Variants in UBE2N observed in about 807,000 individuals in gnomAD.
The protein encoded by UBE2N is ubiquitin conjugating enzyme E2 N, also known as ubiquitin-conjugating enzyme E2 N.
For synonymous variants in UBE2N, 70 were observed against 69.2 expected, an observed-to-expected ratio of 1.01 and a Z score of -0.06; for missense variants, 60 against 192.1, an observed-to-expected ratio of 0.31 and a Z score of 4.07.
chr12:93,425,495 G>A, intron 1 of UBE2N, among the ~76,000 whole-genome samples: 1 of 152,134 alleles, frequency 6.6e-6, no homozygotes, highest in East Asian at 1.9e-4. Flanking sequence ...AGTTCCTAGA[G>A]ATCAAGGCCT....
rs773468420 is a variant in UBE2N, at chr12:93,441,922, C to A, written c.-38G>T. On this transcript the variant is annotated 5_prime_UTR_variant, in exon 1 of 4. Transcript: ENST00000318066. ...CGAGTTCGGCCTCTGGTCTCGTCTC[C>A]GGCTCCTCTCGCCTCACGCACGAGT... 4 of 1,559,138 alleles carry A rather than the reference C, an allele frequency of 2.6e-6. No individual in the cohort carries two copies. The Admixed American group carries it at 7.6e-5, about 30-fold the overall frequency.
chr12:93,410,362 G>T, intron 3 of UBE2N: 1 of 488,878 alleles, frequency 2.0e-6, no homozygotes, highest in Non-Finnish European at 3.6e-6. Context: ...CTTAAAATCT[G>T]TAGCAGAAGC....
chr12:93,427,486 A>C (rs2121084171), intron 1 of UBE2N, among the ~76,000 whole-genome samples: 1 of 152,382 alleles, frequency 6.6e-6, no homozygotes, highest in South Asian at 2.1e-4. Context: ...TGCTAAATGA[A>C]AGAAGCCAGA....
rs1276590134 is a variant in UBE2N, at chr12:93,411,180, C to A, written c.150G>T (p.Gly50=). ...GAAGGAATAGTTCAAGTTTAAAAGT[C>A]CCTCCCTCAAAGGGGGAATCCTGAG... ...AGPQDSPFEG[G]TFKLELFLPE... The change falls in exon 2 of 4, where the codon GGG becomes GGT. Residue 50 remains glycine, a synonymous_variant. Transcript: ENST00000318066. 5.0e-6 allele frequency: 8 copies of A among 1,614,056 alleles called. No individual in the cohort carries two copies. Among genetic ancestry groups the A allele is most frequent in the African/African-American group, 4.0e-5 (3 of 74,914 alleles).
intron 1 of UBE2N, among the ~76,000 whole-genome samples, chr12:93,422,297 C>A (rs1878438991): frequency 1.3e-5 from 2 of 152,014 alleles, no homozygotes; most frequent in African/African-American, 4.8e-5. Flanking sequence ...CACTTCATTG[C>A]CTGAACTTTT....
rs1049136610 is a variant in UBE2N, at chr12:93,408,716, T to C, written c.*1323A>G. 6.6e-6 allele frequency: 1 copy of C among 152,102 alleles called. No homozygotes were observed. The highest frequency in any genetic ancestry group is 2.4e-5 in the African/African-American group (1 of 41,420). 9.4% of individuals were successfully genotyped at this position (152,102 alleles called of 1,614,324 possible). A position where few individuals can be genotyped will look rare whatever the true frequency, so the allele number is the denominator to read the frequency against. On this transcript the variant is annotated 3_prime_UTR_variant, in exon 4 of 4. Coordinates refer to ENST00000318066, the MANE Select transcript of UBE2N (RefSeq NM_003348.4). ...GAATAAAACGAGCTCCCACAGCAAA[T>C]ACTGGAGGGATGAAAGCAAGAATCA...
rs557603763 is a variant in UBE2N at position 93,437,237 on chromosome 12, A to G, written c.30+4618T>C. Among the ~76,000 whole-genome samples the G allele has an allele frequency of 2.1e-4, 32 of 152,260 alleles. No individual in the cohort carries two copies. The South Asian group carries it at 4.8e-3, about 23-fold the overall frequency. On this transcript the variant is annotated intron_variant, in intron 1 of 3. Transcript: ENST00000318066. ...GCATGTCTGTAATCCCAGATACTGGAGGCTGAAGGTAGAGATCACCTGATA... is the reference window on the plus strand; with the variant it reads ...GCATGTCTGTAATCCCAGATACTGGGGGCTGAAGGTAGAGATCACCTGATA...
At chr12:93,425,620 A>G (rs1412218838) in intron 1 of UBE2N, among the ~76,000 whole-genome samples, 1 of 152,164 alleles carries the variant, frequency 6.6e-6, no homozygotes, top group Non-Finnish European at 1.5e-5. Context: ...AGTAAGGAAA[A>G]CCACTGACTG....
intron 1 of UBE2N, among the ~76,000 whole-genome samples, chr12:93,440,150 T>C (rs576070112): frequency 2.0e-5 from 3 of 152,236 alleles, no homozygotes; most frequent in South Asian, 2.1e-4. Context: ...ACTTGCATTA[T>C]GTACTTAGTC....
chr12:93,423,406 C>G (rs1010531822), intron 1 of UBE2N, among the ~76,000 whole-genome samples: 1 of 152,118 alleles, frequency 6.6e-6, no homozygotes, highest in Admixed American at 6.6e-5. Flanking sequence ...CTGGTAAATA[C>G]GTTAAGAAGC....
At chr12:93,434,120 T>A (rs1878850934) in intron 1 of UBE2N, among the ~76,000 whole-genome samples, 1 of 152,084 alleles carries the variant, frequency 6.6e-6, no homozygotes. Flanking sequence ...GTGAAACCCG[T>A]CTCTACTAAA....
At chr12:93,437,129 A>G (rs1878957005) in intron 1 of UBE2N, among the ~76,000 whole-genome samples, 1 of 152,078 alleles carries the variant, frequency 6.6e-6, no homozygotes, top group African/African-American at 2.4e-5. Flanking sequence ...CAATATTTGA[A>G]AAAATAAAAT....
chr12:93,410,332 C>G, intron 3 of UBE2N: 1 of 497,026 alleles, frequency 2.0e-6, no homozygotes, highest in South Asian at 2.6e-5. Flanking sequence ...TCTAGATACA[C>G]AATTCTCCCC....
rs187523494 is a variant in UBE2N at position 93,412,558 on chromosome 12, T to C, written c.31-1259A>G. ...TTTACTTCCTGCAGAAAGGGTACACTCGCCAGGAGTTTTGCCACAAGAGTA... is the reference window on the plus strand; with the variant it reads ...TTTACTTCCTGCAGAAAGGGTACACCCGCCAGGAGTTTTGCCACAAGAGTA... On this transcript the variant is annotated intron_variant, in intron 1 of 3. Coordinates refer to ENST00000318066, the MANE Select transcript of UBE2N (RefSeq NM_003348.4). Among the ~76,000 whole-genome samples, 22 of 152,352 alleles carry C rather than the reference T, an allele frequency of 1.4e-4. No individual in the cohort carries two copies. The East Asian group carries it at 4.2e-3, about 29-fold the overall frequency.
At chr12:93,431,984 A>G (rs1878784913) in intron 1 of UBE2N, among the ~76,000 whole-genome samples, 2 of 152,188 alleles carry the variant, frequency 1.3e-5, no homozygotes, top group African/African-American at 4.8e-5. Context: ...CTGTAATCCC[A>G]GCACTCTGGG....
At chr12:93,426,535 TA>T (rs892277923) in intron 1 of UBE2N, among the ~76,000 whole-genome samples, 10 of 152,012 alleles carry the variant, frequency 6.6e-5, no homozygotes, top group African/African-American at 2.4e-4. Context: ...CAAACAAGCT[TA>T]ATCAAAACAA....
chr12:93,437,929 A>G (rs1291458181), intron 1 of UBE2N, among the ~76,000 whole-genome samples: 4 of 152,266 alleles, frequency 2.6e-5, no homozygotes, highest in Non-Finnish European at 5.9e-5. Flanking sequence ...TAATAAAAAA[A>G]GATACATAAG....
At chr12:93,441,052 G>A (rs57992256) in intron 1 of UBE2N, 12,486 of 152,374 alleles carry the variant, frequency 0.082, 1,619 homozygotes, top group African/African-American at 0.28. Flanking sequence ...GAGAGAAGAG[G>A]AGAGAGAAAG....
intron 1 of UBE2N, among the ~76,000 whole-genome samples, chr12:93,418,831 A>G (rs1395181758): frequency 6.6e-6 from 1 of 152,236 alleles, no homozygotes; most frequent in African/African-American, 2.4e-5. Context: ...GAAATTAATG[A>G]TGTATTTTAT....
Sources: gnomAD v4.1 joint callset for allele counts (sites outside exome capture counted in the v4.1 genomes callset) on GRCh38, gnomAD v4.1.1 for gene constraint, MANE v1.5 for transcripts, NCBI Gene and HGNC (gene_info 2026-07-23, HGNC 2026-07-21) for gene names.